RIPK4: variants seen among roughly 807,000 people sequenced by gnomAD.
RIPK4 encodes receptor interacting serine/threonine kinase 4, also known as receptor-interacting serine/threonine-protein kinase 4.
Under a neutral mutation model 42.9 loss-of-function variants are expected in RIPK4, and 17 were observed. That is an observed-to-expected ratio of 0.40 (90% CI 0.27 to 0.59). The LOEUF is 0.59. RIPK4 is among the 20% of genes least tolerant of loss of function. The pLI is 0.47. For missense variants in RIPK4, 897 were observed against 1,104.4 expected (o/e 0.81, Z 2.66); for synonymous variants, 498 against 499.1 (o/e 1.00, Z 0.03).
chr21:41,740,696 C>T lies in RIPK4; in HGVS notation c.*142G>A, dbSNP rs886057086. 1.2e-6 allele frequency: 1 copy of T among 847,464 alleles called. No individual in the cohort carries two copies. The highest frequency in any genetic ancestry group is 1.8e-6 in the Non-Finnish European group (1 of 565,066). 52.5% of individuals were successfully genotyped at this position (847,464 alleles called of 1,614,324 possible). On this transcript the variant is annotated 3_prime_UTR_variant, in exon 8 of 8. Coordinates refer to ENST00000332512, the MANE Select transcript of RIPK4 (RefSeq NM_020639.3). The stretch of plus-strand genomic sequence containing the variant: ...ACACTCCGGTCAGCAGCAGCCGCCT[C>T]CTGATGGCACCATGTCACCTCTGCT...
intron 1 of RIPK4, among the ~76,000 whole-genome samples, chr21:41,764,394 A>G (rs1039220236): frequency 1.1e-4 from 16 of 152,168 alleles, no homozygotes; most frequent in Non-Finnish European, 2.4e-4. Flanking sequence ...CAAGTGGACT[A>G]GACCATCACT....
chr21:41,748,387 G>C (rs762109096), intron 4 of RIPK4, among the ~76,000 whole-genome samples: 3 of 152,214 alleles, frequency 2.0e-5, no homozygotes, highest in Non-Finnish European at 4.4e-5. Flanking sequence ...TAGAGGAAAA[G>C]GGAATCTGTC....
chr21:41,757,333 C>T (rs1393984461), intron 1 of RIPK4, among the ~76,000 whole-genome samples: 2 of 151,816 alleles, frequency 1.3e-5, no homozygotes, highest in Non-Finnish European at 2.9e-5. Context: ...CCAGCCTGGC[C>T]AACATAGTGG....
chr21:41,763,031 C>G (rs1244904073), intron 1 of RIPK4, among the ~76,000 whole-genome samples: 1 of 152,228 alleles, frequency 6.6e-6, no homozygotes, highest in Non-Finnish European at 1.5e-5. Context: ...GAGGGGGTGG[C>G]ATCCTATTCC....
chr21:41,749,562 C>A lies in RIPK4; in HGVS notation c.624-359G>T, dbSNP rs565108041. Among the ~76,000 whole-genome samples, 5 of 152,314 alleles carry A rather than the reference C, an allele frequency of 3.3e-5. No individual in the cohort carries two copies. In the East Asian group the frequency reaches 9.7e-4, roughly 29 times the overall value. ...AAGCACCAGGCACAGAGCACCTGCG[C>A]AGGCATTTACTGAAGAAATGGATGA... On this transcript the variant is annotated intron_variant, in intron 3 of 7. Transcript: ENST00000332512.
chr21:41,764,640 C>T (rs1231390196), intron 1 of RIPK4, among the ~76,000 whole-genome samples: 1 of 152,178 alleles, frequency 6.6e-6, no homozygotes, highest in Non-Finnish European at 1.5e-5. Flanking sequence ...AGTGGCACAG[C>T]GACTACTTCA....
At chr21:41,756,219 C>G (rs1378740525) in intron 2 of RIPK4, among the ~76,000 whole-genome samples, 1 of 152,150 alleles carries the variant, frequency 6.6e-6, no homozygotes, top group East Asian at 1.9e-4. Flanking sequence ...TTCATAAGAC[C>G]AAAACCCACA....
rs142250137 is a variant in RIPK4, at chr21:41,742,509, G to A, written c.1196-512C>T. 6.4e-3 allele frequency among the ~76,000 whole-genome samples: 972 copies of A among 152,240 alleles called. 6 individuals carry two copies. Among genetic ancestry groups the A allele is most frequent in the African/African-American group, 0.021 (887 of 41,550 alleles). On this transcript the variant is annotated intron_variant, in intron 7 of 7. Coordinates refer to ENST00000332512, the MANE Select transcript of RIPK4 (RefSeq NM_020639.3). The surrounding 1 kb of genome is among the most constrained non-coding windows in gnomAD (Gnocchi z 5.1). The stretch of plus-strand genomic sequence containing the variant: ...CCTCCTGACCTGGGGAGGTTAAGTC[G>A]GAAGTTTTCTATGATAATCCTGAAG...
chr21:41,762,366 G>A, intron 1 of RIPK4, among the ~76,000 whole-genome samples: 1 of 152,206 alleles, frequency 6.6e-6, no homozygotes. Context: ...TCGCTCAGAA[G>A]CACCAGCATG....
At position 41,756,695 on chromosome 21, in the gene RIPK4, C is replaced by T; in HGVS notation, c.304G>A (p.Gly102Ser). The stretch of plus-strand genomic sequence containing the variant: ...GAAGCCAGCAGCTTTTCCAGGGAGC[C>T]CGTCTCCATGTACTCCATGACCAGG... ...VGLVMEYMET[G>S]SLEKLLASEP... is the part of the protein sequence containing the mutation. Residue 102 changes from glycine to serine, a missense_variant, in exon 2 of 8, where the codon GGC becomes AGC. Transcript: ENST00000332512. 6.2e-7 allele frequency: 1 copy of T among 1,614,228 alleles called. No individual in the cohort carries two copies. Among genetic ancestry groups the T allele is most frequent in the Non-Finnish European group, 8.5e-7 (1 of 1,180,052 alleles).
chr21:41,745,232 A>G (rs1193117580), intron 6 of RIPK4, among the ~76,000 whole-genome samples: 3 of 152,208 alleles, frequency 2.0e-5, no homozygotes, highest in Non-Finnish European at 4.4e-5. Context: ...GCCCAACACC[A>G]GATAACACGT....
intron 1 of RIPK4, 92 bp downstream of exon 1, chr21:41,766,768 G>A: frequency 7.4e-7 from 1 of 1,355,048 alleles, no homozygotes; most frequent in Non-Finnish European, 1.0e-6. Flanking sequence ...GGTGAGTTCG[G>A]GAGAGAGAGG....
chr21:41,741,993 C>G lies in RIPK4; in HGVS notation c.1200G>C (p.Leu400=), dbSNP rs2061156208. The change falls in exon 8 of 8, where the codon CTG becomes CTC. Residue 400 remains leucine, a synonymous_variant. Coordinates refer to ENST00000332512, the MANE Select transcript of RIPK4 (RefSeq NM_020639.3). ...SFEREPSTSD[L]GTTDVQKKKL... ...TCTTCTTCTGGACGTCTGTGGTGCC[C>G]AGATCTGCAGGGAGAGGAGAGGCAA... 6.3e-7 allele frequency: 1 copy of G among 1,580,244 alleles called. No individual in the cohort carries two copies. Among genetic ancestry groups the G allele is most frequent in the South Asian group, 1.2e-5 (1 of 85,874 alleles).
chr21:41,751,857 C>T lies in RIPK4; in HGVS notation c.475-612G>A, dbSNP rs924889604. Among the ~76,000 whole-genome samples the T allele has an allele frequency of 1.3e-5, 2 of 152,246 alleles. No individual in the cohort carries two copies. The highest frequency in any genetic ancestry group is 6.5e-5 in the Admixed American group (1 of 15,292). On this transcript the variant is annotated intron_variant, in intron 2 of 7. Transcript: ENST00000332512. This position sits in a 1 kb window ranked among gnomAD's most constrained non-coding sequence, Gnocchi z 4.5. ...ATCAGCAGACACTGGCTGGCTGCTT[C>T]AAACACATGTGTTCGAGTGAAGGTC... is the stretch of plus-strand genomic sequence containing the variant.
chr21:41,741,311 A>G lies in RIPK4; in HGVS notation c.1882T>C (p.Ser628Pro). Residue 628 changes from serine (S) to proline (P), a missense_variant, in exon 8 of 8, where the codon TCC becomes CCC. Transcript: ENST00000332512. Reference protein sequence around the residue: ...RVARILIDLCSDVNVCSLLAQ... With the variant: ...RVARILIDLCPDVNVCSLLAQ... ...AGCAGGCTGCAGACGTTGACGTCGG[A>G]GCACAGGTCGATGAGGATGCGGGCC... 6.2e-7 allele frequency: 1 copy of G among 1,608,160 alleles called. No individual in the cohort carries two copies. The highest frequency in any genetic ancestry group is 8.5e-7 in the Non-Finnish European group (1 of 1,179,552).
intron 3 of RIPK4, among the ~76,000 whole-genome samples, chr21:41,750,058 A>C (rs1229459681): frequency 6.6e-6 from 1 of 152,188 alleles, no homozygotes. Flanking sequence ...AATGGAGAGG[A>C]TCTCAATCTC....
At chr21:41,762,533 G>A (rs547340035) in intron 1 of RIPK4, among the ~76,000 whole-genome samples, 2 of 152,128 alleles carry the variant, frequency 1.3e-5, no homozygotes, top group Non-Finnish European at 2.9e-5. Context: ...GTCGGGTGTC[G>A]CCCGGCGGCA....
intron 5 of RIPK4, chr21:41,746,167 G>T: frequency 1.5e-6 from 1 of 650,540 alleles, no homozygotes. Flanking sequence ...CATTCAGCCC[G>T]TTTCCTGCCG....
chr21:41,749,820 T>C (rs1445583606), intron 3 of RIPK4, among the ~76,000 whole-genome samples: 1 of 144,200 alleles, frequency 6.9e-6, no homozygotes, highest in Non-Finnish European at 1.5e-5. Context: ...CTTAGAAATA[T>C]ATAGATAATA....
Sources: gnomAD v4.1 joint callset for allele counts (sites outside exome capture counted in the v4.1 genomes callset) on GRCh38, gnomAD v4.1.1 for gene constraint, Gnocchi (gnomAD v3.1) non-coding constraint, MANE v1.5 for transcripts, NCBI Gene and HGNC (gene_info 2026-07-23, HGNC 2026-07-21) for gene names.